The following RFX7 variants were observed in gnomAD, a reference collection of about 807,000 sequenced individuals.
RFX7 encodes DNA-binding protein RFX7.
RFX7 carries 26 observed loss-of-function variants against 111.8 expected under a neutral mutation model. The observed-to-expected ratio is 0.23, with a 90% confidence interval of 0.17 to 0.32. The LOEUF (loss-of-function observed/expected upper bound fraction) is 0.32, where lower values mean the gene tolerates loss of function less well. Ranked by LOEUF, RFX7 falls within the 10% of genes least tolerant of loss-of-function variation. RFX7 has a pLI of 1.00. For missense variants in RFX7, 1,573 were observed against 1,772.9 expected, an observed-to-expected ratio of 0.89 and a Z score of 2.02; for synonymous variants, 624 against 624.4, an observed-to-expected ratio of 1.00 and a Z score of 0.01.
intron 2 of RFX7, among the ~76,000 whole-genome samples, chr15:56,185,690 G>A (rs968258149): frequency 4.6e-5 from 7 of 151,968 alleles, no homozygotes; most frequent in Non-Finnish European, 8.8e-5. Flanking sequence ...GCTCTACTCT[G>A]CTGCATATTA....
chr15:56,184,171 C>T (rs1197700294), intron 2 of RFX7, among the ~76,000 whole-genome samples: 1 of 151,102 alleles, frequency 6.6e-6, no homozygotes, highest in East Asian at 1.9e-4. Flanking sequence ...AGGCATGTGC[C>T]ACCACACCTG....
At position 56,098,198 on chromosome 15, in the gene RFX7, T is replaced by C. The variant is rs1369391162; in HGVS notation, c.990A>G (p.Ala330=). 2 of 1,613,878 alleles carry C rather than the reference T, an allele frequency of 1.2e-6. No homozygotes were observed. The highest frequency in any genetic ancestry group is 2.7e-5 in the African/African-American group (2 of 74,952). The change falls in exon 9 of 10, where the codon GCA becomes GCG. Residue 330 remains alanine, a synonymous_variant. Coordinates refer to ENST00000559447, the MANE Select transcript of RFX7 (RefSeq NM_022841.7). ...TGCTTGTAGCACTTTCTGACTTTTTTGCTGCAGATTCTCCTGGCAAAGGGG... is the reference window on the plus strand; with the variant it reads ...TGCTTGTAGCACTTTCTGACTTTTTCGCTGCAGATTCTCCTGGCAAAGGGG... ...LQSPLPGESA[A]KKSESATSNG...
intron 5 of RFX7, among the ~76,000 whole-genome samples, chr15:56,139,588 G>C (rs1217451691): frequency 6.6e-6 from 1 of 152,126 alleles, no homozygotes; most frequent in Non-Finnish European, 1.5e-5. Flanking sequence ...AGAGTAATTT[G>C]ATCGTCTGAA....
chr15:56,206,545 T>C (rs771351188), intron 2 of RFX7, among the ~76,000 whole-genome samples: 4 of 152,184 alleles, frequency 2.6e-5, no homozygotes, highest in Non-Finnish European at 5.9e-5. Context: ...AAGAGATATC[T>C]GCACTCCCAT....
intron 5 of RFX7, among the ~76,000 whole-genome samples, chr15:56,125,604 TGTGTGA>T (rs1379605630): frequency 1.1e-5 from 1 of 87,460 alleles, no homozygotes; most frequent in African/African-American, 4.1e-5. Context: ...TTCTTCTGTG[TGTGTGA>T]GTGTGTGTGT....
chr15:56,097,506 A>T (rs997940109), intron 9 of RFX7, among the ~76,000 whole-genome samples: 4 of 152,132 alleles, frequency 2.6e-5, no homozygotes, highest in African/African-American at 4.8e-5. Flanking sequence ...TAATCCCAGT[A>T]CTTTGGGAGG....
intron 3 of RFX7, among the ~76,000 whole-genome samples, chr15:56,175,552 C>T (rs1212489459): frequency 1.3e-5 from 2 of 151,984 alleles, no homozygotes; most frequent in East Asian, 3.9e-4. Flanking sequence ...ACACAGCAAT[C>T]AATGGAAAAT....
At chr15:56,153,383 C>T (rs1032461522) in intron 3 of RFX7, among the ~76,000 whole-genome samples, 2 of 152,322 alleles carry the variant, frequency 1.3e-5, no homozygotes, top group East Asian at 1.9e-4. Flanking sequence ...TGCTTCATCC[C>T]TGGGATGCAA....
At chr15:56,126,635 C>G (rs1207690385) in intron 5 of RFX7, among the ~76,000 whole-genome samples, 1 of 152,106 alleles carries the variant, frequency 6.6e-6, no homozygotes, top group Non-Finnish European at 1.5e-5. Context: ...AAAACATCAT[C>G]AAAGTATATG....
chr15:56,188,989 T>G (rs2043072152), intron 2 of RFX7, among the ~76,000 whole-genome samples: 1 of 152,164 alleles, frequency 6.6e-6, no homozygotes, highest in Admixed American at 6.5e-5. Context: ...CAGCTGATTT[T>G]TGTATTTTTA....
At chr15:56,124,004 T>C (rs1335387446) in intron 5 of RFX7, among the ~76,000 whole-genome samples, 1 of 152,212 alleles carries the variant, frequency 6.6e-6, no homozygotes, top group Non-Finnish European at 1.5e-5. Context: ...ACTATGACCA[T>C]TCACCTGATT....
chr15:56,163,596 T>C (rs2042750022), intron 3 of RFX7, among the ~76,000 whole-genome samples: 1 of 152,110 alleles, frequency 6.6e-6, no homozygotes, highest in African/African-American at 2.4e-5. Flanking sequence ...ATAAACGCTA[T>C]GAAGAAAAAG....
chr15:56,199,515 T>C (rs1459484472), intron 2 of RFX7, among the ~76,000 whole-genome samples: 2 of 152,186 alleles, frequency 1.3e-5, no homozygotes, highest in Admixed American at 1.3e-4. Context: ...TTCCCTGTTT[T>C]CTTTAATGCA....
At chr15:56,183,182 A>T (rs1285370966) in intron 2 of RFX7, among the ~76,000 whole-genome samples, 1 of 151,964 alleles carries the variant, frequency 6.6e-6, no homozygotes, top group Non-Finnish European at 1.5e-5. Flanking sequence ...TCCTTTGCAT[A>T]TTTTTAAGCG....
At chr15:56,239,065 C>T (rs946282913) in intron 2 of RFX7, among the ~76,000 whole-genome samples, 1 of 152,034 alleles carries the variant, frequency 6.6e-6, no homozygotes, top group African/African-American at 2.4e-5. Context: ...AACTCCTGAA[C>T]TCAGGCAATC....
Position 56,132,742 on chromosome 15 carries a change from T to C in RFX7, c.401+10036A>G, listed in dbSNP as rs1184167326. On this transcript the variant is annotated intron_variant, in intron 5 of 9. Transcript: ENST00000559447. ...ACAAACAGCAATCTTGAAAAACATT[T>C]ATGTTTTAATATTTATGTCTTTAAT... 3.9e-5 allele frequency among the ~76,000 whole-genome samples: 6 copies of C among 152,148 alleles called. No individual in the cohort carries two copies. In the South Asian group the frequency reaches 1.0e-3, roughly 26 times the overall value.
intron 2 of RFX7, among the ~76,000 whole-genome samples, chr15:56,224,206 C>A (rs1268903292): frequency 6.6e-6 from 1 of 151,776 alleles, no homozygotes; most frequent in African/African-American, 2.4e-5. Context: ...GGTAAGGGAA[C>A]CGTGTGTAAG....
chr15:56,211,688 T>G (rs1478952790), intron 2 of RFX7, among the ~76,000 whole-genome samples: 2 of 152,026 alleles, frequency 1.3e-5, no homozygotes, highest in Non-Finnish European at 2.9e-5. Context: ...GAAAGATTCT[T>G]ATAATCAACC....
At chr15:56,203,012 A>T (rs1248215116) in intron 2 of RFX7, among the ~76,000 whole-genome samples, 2 of 152,134 alleles carry the variant, frequency 1.3e-5, no homozygotes, top group African/African-American at 4.8e-5. Flanking sequence ...TCAGTATCTC[A>T]ATATCTGCCC....
Sources: allele counts gnomAD v4.1 joint callset (sites outside exome capture counted in the v4.1 genomes callset), GRCh38; gene constraint gnomAD v4.1.1; transcripts MANE v1.5; gene names NCBI Gene and HGNC (gene_info 2026-07-23, HGNC 2026-07-21).